Variants in THEMIS observed in about 807,000 individuals in gnomAD.
THEMIS encodes protein THEMIS.
In THEMIS, 37 loss-of-function variants were observed where a neutral mutation model predicts 52.6. That is an observed-to-expected ratio of 0.70 (90% CI 0.54 to 0.93). The LOEUF (loss-of-function observed/expected upper bound fraction) is 0.93. THEMIS is among the 40% of genes least tolerant of loss of function. THEMIS has a pLI of 0.00. For synonymous variants in THEMIS, 292 were observed against 272.7 expected, an observed-to-expected ratio of 1.07 and a Z score of -0.70; for missense variants, 808 against 763.1, an observed-to-expected ratio of 1.06 and a Z score of -0.69.
At chr6:127,776,756 T>A (rs1427638212) in intron 4 of THEMIS, among the ~76,000 whole-genome samples, 1 of 152,252 alleles carries the variant, frequency 6.6e-6, no homozygotes, top group African/African-American at 2.4e-5. Flanking sequence ...TTATACTTCT[T>A]GGTGAATGTT....
chr6:127,852,402 C>G (rs1779459084), intron 2 of THEMIS, among the ~76,000 whole-genome samples: 1 of 151,500 alleles, frequency 6.6e-6, no homozygotes, highest in Non-Finnish European at 1.5e-5. Flanking sequence ...CTGTAGAACA[C>G]TTACCCAACA....
At position 127,850,498 on chromosome 6, in the gene THEMIS, A is replaced by G. The variant is rs567031908; in HGVS notation, c.250+4532T>C. On this transcript the variant is annotated intron_variant, in intron 2 of 5. Coordinates refer to ENST00000368248, the MANE Select transcript of THEMIS (RefSeq NM_001010923.3). ...TATGGAACTGACCTAACTGTCCATC[A>G]ACCAACAAATGGATTAAAAAATGTA... is the stretch of plus-strand genomic sequence containing the variant. 4.6e-5 allele frequency among the ~76,000 whole-genome samples: 7 copies of G among 152,064 alleles called. No homozygotes were observed. In the East Asian group the frequency reaches 1.2e-3, roughly 25 times the overall value.
At chr6:127,857,026 A>G (rs112332261) in intron 1 of THEMIS, among the ~76,000 whole-genome samples, 11 of 151,946 alleles carry the variant, frequency 7.2e-5, no homozygotes, top group Non-Finnish European at 1.6e-4. Flanking sequence ...TTCTTGTATG[A>G]CTACAACACA....
At chr6:127,800,970 G>A (rs1290815558) in intron 4 of THEMIS, among the ~76,000 whole-genome samples, 2 of 152,178 alleles carry the variant, frequency 1.3e-5, no homozygotes, top group Non-Finnish European at 2.9e-5. Flanking sequence ...AGAATATTAA[G>A]GATGAAGTTC....
chr6:127,863,542 T>C (rs1282627541), intron 1 of THEMIS, among the ~76,000 whole-genome samples: 7 of 152,186 alleles, frequency 4.6e-5, no homozygotes. Flanking sequence ...GTAGAAGCCT[T>C]AACATGTTTG....
chr6:127,821,277 C>T (rs774819740), intron 3 of THEMIS, among the ~76,000 whole-genome samples: 1 of 151,684 alleles, frequency 6.6e-6, no homozygotes, highest in Non-Finnish European at 1.5e-5. Context: ...AGAGTACAAG[C>T]TAAATTAGAA....
In THEMIS at chr6:127,747,054, AT is replaced by A. The variant is rs1365131875; in HGVS notation, c.1759-27232del. Among the ~76,000 whole-genome samples, 3 of 120,810 alleles carry A rather than the reference AT, an allele frequency of 2.5e-5. 1 individual carries two copies. In the East Asian group the frequency reaches 7.0e-4, roughly 28 times the overall value. The allele number at this position is 120,810 out of a possible 152,430, so 79.3% of individuals were successfully genotyped here. On this transcript the variant is annotated intron_variant, in intron 4 of 5. Transcript: ENST00000368248. ...GATATAATTATAGATATCTATAATT[AT>A]ATTATATATAATTGTATATAGATAT...
chr6:127,767,828 GCAC>G (rs779061980), intron 4 of THEMIS, among the ~76,000 whole-genome samples: 196 of 144,078 alleles, frequency 1.4e-3, no homozygotes, highest in Non-Finnish European at 2.0e-3. Flanking sequence ...ATTTAAACCA[GCAC>G]CACCACAACA....
chr6:127,717,114 A>G (rs1774194690), intron 5 of THEMIS, among the ~76,000 whole-genome samples: 1 of 151,844 alleles, frequency 6.6e-6, no homozygotes, highest in South Asian at 2.1e-4. Flanking sequence ...ATTCATAAAG[A>G]TTCAGTAGTT....
At chr6:127,715,200 C>G (rs950242823) in intron 5 of THEMIS, among the ~76,000 whole-genome samples, 1 of 151,740 alleles carries the variant, frequency 6.6e-6, no homozygotes, top group Non-Finnish European at 1.5e-5. Flanking sequence ...ATAGCCTTAT[C>G]TAGAAGTGTA....
chr6:127,817,729 G>T (rs1200948750), intron 3 of THEMIS, among the ~76,000 whole-genome samples: 1 of 152,088 alleles, frequency 6.6e-6, no homozygotes, highest in Non-Finnish European at 1.5e-5. Context: ...TAGCTCACTG[G>T]GGGCAAAAAC....
At chr6:127,741,742 G>GCTA (rs761976248) in intron 4 of THEMIS, among the ~76,000 whole-genome samples, 11 of 152,186 alleles carry the variant, frequency 7.2e-5, no homozygotes, top group Non-Finnish European at 1.3e-4. Context: ...AAGAGTAACA[G>GCTA]CTACTGGCTG....
At chr6:127,861,666 C>G (rs1447104215) in intron 1 of THEMIS, among the ~76,000 whole-genome samples, 2 of 150,506 alleles carry the variant, frequency 1.3e-5, no homozygotes, top group Non-Finnish European at 3.0e-5. Flanking sequence ...GCCTGTAATC[C>G]CAGCTACCTG....
At chr6:127,904,907 A>G (rs946486200), upstream of THEMIS, among the ~76,000 whole-genome samples, 1 of 152,036 alleles carries the variant, frequency 6.6e-6, no homozygotes, top group African/African-American at 2.4e-5. Context: ...GGATTGTTGA[A>G]CTGGAAATGG....
chr6:127,796,815 T>A (rs903806116), intron 4 of THEMIS, among the ~76,000 whole-genome samples: 1 of 152,206 alleles, frequency 6.6e-6, no homozygotes, highest in Admixed American at 6.5e-5. Context: ...ATTTATTGAG[T>A]AAGCTGAACT....
chr6:127,757,643 C>T (rs1452837532), intron 4 of THEMIS, among the ~76,000 whole-genome samples: 3 of 152,044 alleles, frequency 2.0e-5, no homozygotes, highest in Non-Finnish European at 2.9e-5. Flanking sequence ...CCACCACGCC[C>T]GGCTAGATTT....
At chr6:127,734,466 A>G (rs997578901) in intron 4 of THEMIS, among the ~76,000 whole-genome samples, 9 of 152,182 alleles carry the variant, frequency 5.9e-5, no homozygotes, top group African/African-American at 2.2e-4. Flanking sequence ...CTGGAGGTTC[A>G]TTATGCTATT....
chr6:127,890,422 G>C (rs1167768977), intron 1 of THEMIS, among the ~76,000 whole-genome samples: 2 of 152,082 alleles, frequency 1.3e-5, no homozygotes, highest in Non-Finnish European at 2.9e-5. Context: ...GTGGTTACCA[G>C]AGGCTAGAAA....
At chr6:127,781,494 T>G (rs1036387584) in intron 4 of THEMIS, among the ~76,000 whole-genome samples, 1 of 152,146 alleles carries the variant, frequency 6.6e-6, no homozygotes, top group African/African-American at 2.4e-5. Context: ...ATTTTCAGCC[T>G]TTTTGTGCTG....
Sources: gnomAD v4.1 joint callset for allele counts (sites outside exome capture counted in the v4.1 genomes callset) on GRCh38, gnomAD v4.1.1 for gene constraint, MANE v1.5 for transcripts, NCBI Gene and HGNC (gene_info 2026-07-23, HGNC 2026-07-21) for gene names.